Variants in CFHR5 observed in about 807,000 individuals in gnomAD.
CFHR5 encodes the protein complement factor H related 5, also known as complement factor H-related protein 5.
A neutral mutation model predicts 62.9 loss-of-function variants in CFHR5; 73 were observed. The observed-to-expected ratio is 1.16, with a 90% CI of 0.96 to 1.41. CFHR5 has a LOEUF of 1.41. CFHR5 is among the 40% of genes most tolerant of loss of function. The probability of loss-of-function intolerance (pLI) is 0.00; values close to 1 mark genes in which losing one functional copy is unlikely to be tolerated. For missense variants in CFHR5, 779 were observed against 679.9 expected (o/e 1.15, Z -1.62); for synonymous variants, 249 against 227.2 (o/e 1.10, Z -0.86).
intron 1 of CFHR5, among the ~76,000 whole-genome samples, chr1:196,980,978 T>G (rs2125025630): frequency 6.6e-6 from 1 of 152,284 alleles, no homozygotes; most frequent in Non-Finnish European, 1.5e-5. Flanking sequence ...CGAGGGAGTC[T>G]TTCCCTCAGT....
intron 7 of CFHR5, among the ~76,000 whole-genome samples, chr1:196,998,687 G>A (rs1285421294): frequency 6.6e-6 from 1 of 152,078 alleles, no homozygotes; most frequent in Non-Finnish European, 1.5e-5. Context: ...AGTAGGCTGA[G>A]TAAAAAGTAG....
At chr1:196,982,478 T>C (rs142806289) in intron 1 of CFHR5, among the ~76,000 whole-genome samples, 2,048 of 152,150 alleles carry the variant, frequency 0.013, 39 homozygotes, top group African/African-American at 0.045. Flanking sequence ...TTGACACCAG[T>C]CTGGCCAATA....
chr1:196,977,570 CAA>C lies in CFHR5; in HGVS notation c.-93_-92del. 2 of 1,023,772 alleles carry C rather than the reference CAA, an allele frequency of 2.0e-6. No individual in the cohort carries two copies. The highest frequency in any genetic ancestry group is 3.1e-6 in the Non-Finnish European group (2 of 642,860). The allele number at this position is 1,023,772 out of a possible 1,614,324, so 63.4% of individuals were successfully genotyped here. ...AGCTTCCCCTTAGTACATTGAAATT[CAA>C]AGTCATGCTTGTAACTGTTAATGAA... On this transcript the variant is annotated 5_prime_UTR_variant, in exon 1 of 10. Coordinates refer to ENST00000256785, the MANE Select transcript of CFHR5 (RefSeq NM_030787.4).
intron 2 of CFHR5, among the ~76,000 whole-genome samples, 167 bp from the exon 3 acceptor site, chr1:196,983,794 G>A (rs1427935454): frequency 6.6e-6 from 1 of 151,758 alleles, no homozygotes; most frequent in Non-Finnish European, 1.5e-5. Flanking sequence ...ATATATATAG[G>A]AACAAAAAAT....
chr1:196,982,795 A>G (rs76977292), intron 1 of CFHR5, 90 bp from the exon 2 acceptor site: 22,214 of 1,278,268 alleles, frequency 0.017, 247 homozygotes, highest in Middle Eastern at 0.026. Flanking sequence ...ATGAAAAACA[A>G]AACTATAAAT....
chr1:197,002,458 T>TA, intron 7 of CFHR5, 24 bp from the exon 8 acceptor site: 1 of 1,585,254 alleles, frequency 6.3e-7, no homozygotes, highest in Non-Finnish European at 8.6e-7. Flanking sequence ...ATTAATCATA[T>TA]AATTTAATTC....
At position 196,999,014 on chromosome 1, in the gene CFHR5, A is replaced by G. The variant is rs79111511; in HGVS notation, c.1147+710A>G. On this transcript the variant is annotated intron_variant, in intron 7 of 9. Transcript: ENST00000256785. ...GCAACCAGTCATTCTATGTACCAAT[A>G]TAATTCACTAATGATTCCAAAATAA... Among the ~76,000 whole-genome samples the G allele has an allele frequency of 7.6e-4, 115 of 152,098 alleles. 1 individual carries two copies. The East Asian group carries it at 0.02, about 27-fold the overall frequency.
intron 9 of CFHR5, 45 bp downstream of exon 9, chr1:197,004,888 A>G (rs1654246184): frequency 6.8e-7 from 1 of 1,480,990 alleles, no homozygotes; most frequent in African/African-American, 1.4e-5. Context: ...TAATATTTAT[A>G]GTGTAATTTT....
Position 197,002,661 on chromosome 1 carries a change from G to A in CFHR5, c.1327G>A (p.Val443Ile). ...DGRWQSLPRC[V>I]ESTAYCGPPP... ...ACGATGGCAATCATTACCACGCTGT[G>A]TTGGTTAGTAGTTTATTTCTAAGTA... Residue 443 changes from valine (V) to isoleucine (I), a missense_variant, in exon 8 of 10, where the codon GTT becomes ATT. Coordinates refer to ENST00000256785, the MANE Select transcript of CFHR5 (RefSeq NM_030787.4). 6.2e-7 allele frequency: 1 copy of A among 1,611,584 alleles called. No homozygotes were observed. The highest frequency in any genetic ancestry group is 8.5e-7 in the Non-Finnish European group (1 of 1,178,020).
At chr1:196,998,446 A>G (rs1654050682) in intron 7 of CFHR5, 142 bp downstream of exon 7, 1 of 715,888 alleles carries the variant, frequency 1.4e-6, no homozygotes, top group Admixed American at 2.5e-5. Context: ...TAGTTATAAT[A>G]CTCTTTCCAG....
intron 5 of CFHR5, 22 bp downstream of exon 5, chr1:196,995,921 A>G: frequency 6.2e-7 from 1 of 1,603,480 alleles, no homozygotes; most frequent in Admixed American, 1.7e-5. Flanking sequence ...TTAACATTTA[A>G]ACAGGACAGT....
chr1:196,983,367 T>C (rs1362853926), intron 2 of CFHR5, among the ~76,000 whole-genome samples: 2 of 152,234 alleles, frequency 1.3e-5, no homozygotes, highest in Non-Finnish European at 2.9e-5. Flanking sequence ...TAATATTCAT[T>C]CGGTAGCAGC....
At chr1:196,999,013 T>C (rs541202184) in intron 7 of CFHR5, among the ~76,000 whole-genome samples, 1 of 152,056 alleles carries the variant, frequency 6.6e-6, no homozygotes, top group South Asian at 2.1e-4. Flanking sequence ...TATGTACCAA[T>C]ATAATTCACT....
chr1:196,994,044 GA>G (rs749603844), intron 3 of CFHR5, 35 bp from the exon 4 acceptor site: 3 of 1,536,670 alleles, frequency 2.0e-6, no homozygotes, highest in Non-Finnish European at 1.8e-6. Context: ...TTTCTGCAAT[GA>G]AAATTCACAT....
In CFHR5 at chr1:196,993,472, T is replaced by C. The variant is rs1218817938; in HGVS notation, c.431-608T>C. Among the ~76,000 whole-genome samples the C allele has an allele frequency of 2.0e-5, 3 of 152,100 alleles. 1 individual carries two copies. The highest frequency in any genetic ancestry group is 7.2e-5 in the African/African-American group (3 of 41,392). On this transcript the variant is annotated intron_variant, in intron 3 of 9. Transcript: ENST00000256785. ...ACCCCATGCCTGGCTAATTTTTGTA[T>C]TTTCAGTAGAGGCAGGGTTTCACCA...
intron 3 of CFHR5, among the ~76,000 whole-genome samples, chr1:196,993,086 C>A (rs1169560465): frequency 6.6e-6 from 1 of 151,942 alleles, no homozygotes; most frequent in Non-Finnish European, 1.5e-5. Context: ...ATATCTATTT[C>A]TAATTGAATC....
chr1:196,975,713 T>C (rs1653379850), upstream of CFHR5, among the ~76,000 whole-genome samples: 1 of 152,222 alleles, frequency 6.6e-6, no homozygotes, highest in Non-Finnish European at 1.5e-5. Context: ...AAAAGCAGTG[T>C]GGAAATTATT....
chr1:197,000,046 T>C (rs1454625377), intron 7 of CFHR5, among the ~76,000 whole-genome samples: 1 of 151,678 alleles, frequency 6.6e-6, no homozygotes, highest in Non-Finnish European at 1.5e-5. Context: ...CATACACAAA[T>C]AAACATTTCT....
At chr1:196,986,041 G>A (rs1378435114) in intron 3 of CFHR5, among the ~76,000 whole-genome samples, 1 of 152,138 alleles carries the variant, frequency 6.6e-6, no homozygotes, top group Non-Finnish European at 1.5e-5. Flanking sequence ...ACAACATATT[G>A]AGGTTATCAG....
Sources: allele counts gnomAD v4.1 joint callset (sites outside exome capture counted in the v4.1 genomes callset), GRCh38; gene constraint gnomAD v4.1.1; transcripts MANE v1.5; gene names NCBI Gene and HGNC (gene_info 2026-07-23, HGNC 2026-07-21).